Variants in PLA2G5 observed in about 807,000 individuals in gnomAD.
The protein encoded by PLA2G5 is phospholipase A2 group V.
In PLA2G5, 12 loss-of-function variants were observed where a neutral mutation model predicts 15.9. That is an observed-to-expected ratio of 0.76 (90% CI 0.48 to 1.23). The LOEUF (loss-of-function observed/expected upper bound fraction) is 1.23. Ranked by LOEUF, PLA2G5 falls within the 50% of genes most tolerant of loss-of-function variation. The probability of loss-of-function intolerance (pLI) is 0.00; values close to 1 mark genes in which losing one functional copy is unlikely to be tolerated. For synonymous variants in PLA2G5, 71 were observed against 71.4 expected, an observed-to-expected ratio of 0.99 and a Z score of 0.03; for missense variants, 169 against 177.1, an observed-to-expected ratio of 0.95 and a Z score of 0.26.
rs1428280811 is a variant in PLA2G5, at chr1:20,050,798, T to G, written n.277-8834T>G. ...CTTCTGATATCAAGTGTTTTAAAGC[T>G]TTGATATTTTACAAACTTTCCAAAA... On this transcript the variant is annotated intron_variant and non_coding_transcript_variant, in intron 1 of 6. Transcript: ENST00000460175. 3.9e-5 allele frequency among the ~76,000 whole-genome samples: 6 copies of G among 152,176 alleles called. No individual in the cohort carries two copies. In the East Asian group the frequency reaches 1.2e-3, roughly 29 times the overall value.
At position 20,075,706 on chromosome 1, in the gene PLA2G5, G is replaced by A. The variant is rs969440509; in HGVS notation, c.-11+5241G>A. 9.9e-5 allele frequency among the ~76,000 whole-genome samples: 15 copies of A among 152,168 alleles called. 1 individual carries two copies. Among genetic ancestry groups the A allele is most frequent in the African/African-American group, 3.6e-4 (15 of 41,448 alleles). Reference sequence around the variant, plus strand: ...GGCAGATTAGACTTAAGACTGTAAGGAGTGGTTAAGGACTAGGGCAGAGCA... The same window carrying A: ...GGCAGATTAGACTTAAGACTGTAAGAAGTGGTTAAGGACTAGGGCAGAGCA... On this transcript the variant is annotated intron_variant, in intron 1 of 4. Coordinates refer to ENST00000375108, the MANE Select transcript of PLA2G5 (RefSeq NM_000929.3).
chr1:20,058,154 T>C (rs542053883), intron 1 of PLA2G5, among the ~76,000 whole-genome samples: 1 of 152,336 alleles, frequency 6.6e-6, no homozygotes, highest in South Asian at 2.1e-4. Context: ...CTGTTAGAAG[T>C]GCTGTTCAGT....
chr1:20,087,782 G>A (rs2016368153), intron 3 of PLA2G5, among the ~76,000 whole-genome samples: 1 of 151,832 alleles, frequency 6.6e-6, no homozygotes, highest in Non-Finnish European at 1.5e-5. Context: ...GTGCCAAAAA[G>A]TAAGGAAGTG....
intron 1 of PLA2G5, among the ~76,000 whole-genome samples, chr1:20,039,388 G>A (rs979619719): frequency 6.6e-6 from 1 of 152,142 alleles, no homozygotes; most frequent in Non-Finnish European, 1.5e-5. Context: ...CAAAAGCAAT[G>A]TTATATCTGG....
chr1:20,040,840 G>A (rs936724641), intron 1 of PLA2G5, among the ~76,000 whole-genome samples: 9 of 152,150 alleles, frequency 5.9e-5, no homozygotes, highest in Non-Finnish European at 1.2e-4. Flanking sequence ...CCTTTGGAGA[G>A]GCTAATCAGA....
chr1:20,050,404 G>A (rs1011118198), intron 1 of PLA2G5, among the ~76,000 whole-genome samples: 2 of 152,180 alleles, frequency 1.3e-5, no homozygotes, highest in Non-Finnish European at 2.9e-5. Flanking sequence ...GGGCATGTGA[G>A]ATTGTAAGGG....
chr1:20,081,801 C>T (rs2016043295), intron 1 of PLA2G5, among the ~76,000 whole-genome samples: 1 of 151,834 alleles, frequency 6.6e-6, no homozygotes, highest in African/African-American at 2.4e-5. Flanking sequence ...TGGCTGTAAT[C>T]CCAGCACTTT....
At chr1:20,080,544 T>A (rs2015951123) in intron 1 of PLA2G5, among the ~76,000 whole-genome samples, 1 of 152,182 alleles carries the variant, frequency 6.6e-6, no homozygotes, top group African/African-American at 2.4e-5. Context: ...ATAGGGCTAC[T>A]GTCCTCCAGT....
At chr1:20,078,554 C>G (rs1314692379) in intron 1 of PLA2G5, among the ~76,000 whole-genome samples, 1 of 152,272 alleles carries the variant, frequency 6.6e-6, no homozygotes, top group East Asian at 1.9e-4. Context: ...CTGTTTCCCA[C>G]CAGCCACAAG....
At chr1:20,060,738 CT>C (rs5772879) in intron 2 of PLA2G5, among the ~76,000 whole-genome samples, 71,101 of 144,010 alleles carry the variant, frequency 0.49, 18,223 homozygotes, top group African/African-American at 0.66. Context: ...TCTTTCTTTT[CT>C]TTTTTTTTTT....
At chr1:20,064,665 G>A (rs2014926399) in intron 2 of PLA2G5, among the ~76,000 whole-genome samples, 1 of 152,058 alleles carries the variant, frequency 6.6e-6, no homozygotes, top group Non-Finnish European at 1.5e-5. Context: ...AGGCCAAGGT[G>A]GGAGGATTGT....
In PLA2G5 at chr1:20,081,732, C is replaced by T. The variant is rs529359259; in HGVS notation, c.-10-3089C>T. 1.2e-4 allele frequency among the ~76,000 whole-genome samples: 18 copies of T among 151,822 alleles called. No homozygotes were observed. In the East Asian group the frequency reaches 3.3e-3, roughly 28 times the overall value. On this transcript the variant is annotated intron_variant, in intron 1 of 4. Coordinates refer to ENST00000375108, the MANE Select transcript of PLA2G5 (RefSeq NM_000929.3). Reference sequence around the variant, plus strand: ...GGCACTGGTTGTGTCAGCAGTGGGACGTATCCATACAGGCCTCAGCATCCT... The same window carrying T: ...GGCACTGGTTGTGTCAGCAGTGGGATGTATCCATACAGGCCTCAGCATCCT...
At chr1:20,057,330 T>A (rs983821980) in intron 1 of PLA2G5, among the ~76,000 whole-genome samples, 1 of 151,948 alleles carries the variant, frequency 6.6e-6, no homozygotes, top group Non-Finnish European at 1.5e-5. Context: ...TTTTTTTTTT[T>A]CTAATGTGTG....
intron 1 of PLA2G5, among the ~76,000 whole-genome samples, chr1:20,057,079 A>G (rs1290861864): frequency 6.6e-6 from 1 of 152,040 alleles, no homozygotes; most frequent in African/African-American, 2.4e-5. Flanking sequence ...TATTTATAAT[A>G]CTAGTTTTTT....
At chr1:20,061,721 C>G (rs756802821) in intron 2 of PLA2G5, among the ~76,000 whole-genome samples, 3 of 152,182 alleles carry the variant, frequency 2.0e-5, no homozygotes, top group Non-Finnish European at 4.4e-5. Flanking sequence ...CTGTGGGTAA[C>G]CCACCTCCTA....
rs146675584 is a variant in PLA2G5, at chr1:20,088,085, C to T, written c.186-1704C>T. 6.5e-3 allele frequency among the ~76,000 whole-genome samples: 993 copies of T among 151,678 alleles called. 7 individuals carry two copies. The highest frequency in any genetic ancestry group is 0.021 in the African/African-American group (879 of 40,986). ...AAGAGACAAGACCATGGGCCGGGCGCGGTGGCTCACGCCTGTAATCCCAGC... is the reference window on the plus strand; with the variant it reads ...AAGAGACAAGACCATGGGCCGGGCGTGGTGGCTCACGCCTGTAATCCCAGC... On this transcript the variant is annotated intron_variant, in intron 3 of 4. Transcript: ENST00000375108.
intron 1 of PLA2G5, among the ~76,000 whole-genome samples, chr1:20,072,484 G>A (rs2015428675): frequency 6.6e-6 from 1 of 152,158 alleles, no homozygotes; most frequent in South Asian, 2.1e-4. Flanking sequence ...GGGAACAGGG[G>A]GAGGGAGAGA....
At chr1:20,034,352 A>G (rs1179453150) in intron 1 of PLA2G5, among the ~76,000 whole-genome samples, 1 of 152,198 alleles carries the variant, frequency 6.6e-6, no homozygotes, top group Non-Finnish European at 1.5e-5. Flanking sequence ...GGGAAGCCAG[A>G]TCCAAGGGAA....
intron 1 of PLA2G5, among the ~76,000 whole-genome samples, chr1:20,081,281 A>G (rs1025267215): frequency 9.5e-5 from 14 of 147,194 alleles, no homozygotes; most frequent in African/African-American, 3.1e-4. Context: ...ATGGCTCTCC[A>G]CTCTTCGGGG....
Sources: allele counts gnomAD v4.1 joint callset (sites outside exome capture counted in the v4.1 genomes callset), GRCh38; gene constraint gnomAD v4.1.1; transcripts MANE v1.5; gene names NCBI Gene and HGNC (gene_info 2026-07-23, HGNC 2026-07-21).